Variants in G3BP2 observed in about 807,000 individuals in gnomAD.
G3BP2 encodes the protein G3BP stress granule assembly factor 2, also known as ras GTPase-activating protein-binding protein 2.
G3BP2 carries 11 observed loss-of-function variants against 56.7 expected under a neutral mutation model. The observed-to-expected ratio is 0.19, with a 90% CI of 0.12 to 0.32. G3BP2 has a LOEUF of 0.32. Ranked by LOEUF, G3BP2 falls within the 10% of genes least tolerant of loss-of-function variation. The pLI is 1.00. For synonymous variants in G3BP2, 165 were observed against 191.6 expected, an observed-to-expected ratio of 0.86 and a Z score of 1.15; for missense variants, 340 against 610.9, an observed-to-expected ratio of 0.56 and a Z score of 4.67.
At chr4:75,723,667 T>C (rs1479965269) in intron 1 of G3BP2, among the ~76,000 whole-genome samples, 1 of 152,116 alleles carries the variant, frequency 6.6e-6, no homozygotes, top group Non-Finnish European at 1.5e-5. Flanking sequence ...AAGCAGCATA[T>C]TGACTTTTTT....
intron 2 of G3BP2, among the ~76,000 whole-genome samples, chr4:75,721,621 A>G (rs1386895728): frequency 6.6e-6 from 1 of 152,158 alleles, no homozygotes; most frequent in Non-Finnish European, 1.5e-5. Context: ...AAACCTATAT[A>G]TGATAGATTT....
chr4:75,697,036 G>A (rs1719145414), intron 3 of G3BP2, among the ~76,000 whole-genome samples: 1 of 151,972 alleles, frequency 6.6e-6, no homozygotes, highest in Admixed American at 6.6e-5. Flanking sequence ...CAGCACTTTG[G>A]GAGGCCAAGG....
Position 75,716,376 on chromosome 4 carries a change from T to C in G3BP2, c.-25+4501A>G, listed in dbSNP as rs546704695. The stretch of plus-strand genomic sequence containing the variant: ...TTTTAGTAGAGATGAGGTTTCACCA[T>C]GTTGGCCAGGCTAGTCTCAAACTCT... On this transcript the variant is annotated intron_variant, in intron 3 of 3. Transcript: ENST00000499709. Among the ~76,000 whole-genome samples, 4 of 152,306 alleles carry C rather than the reference T, an allele frequency of 2.6e-5. No individual in the cohort carries two copies. The South Asian group carries it at 8.3e-4, about 32-fold the overall frequency.
At chr4:75,697,299 A>AAAAAAAAAAAAAAAAAT (rs1560417992) in intron 3 of G3BP2, among the ~76,000 whole-genome samples, 4 of 48,810 alleles carry the variant, frequency 8.2e-5, no homozygotes, top group African/African-American at 4.4e-4. Context: ...AAAAAAAAAA[A>AAAAAAAAAAAAAAAAAT]AAGATCATGA....
chr4:75,662,890 A>G (rs562209597), intron 1 of G3BP2, among the ~76,000 whole-genome samples: 57 of 152,352 alleles, frequency 3.7e-4, no homozygotes, highest in African/African-American at 1.3e-3. Context: ...GATAACACTC[A>G]TGGCAAAGCA....
chr4:75,707,486 G>A (rs1719595554), intron 3 of G3BP2, among the ~76,000 whole-genome samples: 1 of 151,618 alleles, frequency 6.6e-6, no homozygotes, highest in Non-Finnish European at 1.5e-5. Context: ...GCGGGAGCCT[G>A]TAGTCCCAGC....
intron 3 of G3BP2, among the ~76,000 whole-genome samples, chr4:75,705,964 TATATAC>T (rs1196330471): frequency 2.0e-5 from 3 of 152,160 alleles, no homozygotes; most frequent in Non-Finnish European, 4.4e-5. Context: ...ATACACAATA[TATATAC>T]ATATACATAT....
chr4:75,698,128 T>C (rs913567401), intron 3 of G3BP2, among the ~76,000 whole-genome samples: 3 of 152,334 alleles, frequency 2.0e-5, no homozygotes, highest in East Asian at 3.9e-4. Context: ...TTTGCAGCTA[T>C]GATTAAATTA....
At chr4:75,665,162 T>C (rs1277956414) in intron 1 of G3BP2, among the ~76,000 whole-genome samples, 5 of 152,230 alleles carry the variant, frequency 3.3e-5, no homozygotes, top group Non-Finnish European at 5.9e-5. Flanking sequence ...TACATAATTC[T>C]AGTGACTCAC....
At chr4:75,713,939 A>G (rs113297623) in intron 3 of G3BP2, among the ~76,000 whole-genome samples, 2 of 152,370 alleles carry the variant, frequency 1.3e-5, no homozygotes, top group African/African-American at 2.4e-5. Flanking sequence ...ATTGAGGGGC[A>G]TTCTACAAAA....
chr4:75,680,235 T>C (rs1241208845), intron 3 of G3BP2, among the ~76,000 whole-genome samples: 1 of 152,184 alleles, frequency 6.6e-6, no homozygotes, highest in Non-Finnish European at 1.5e-5. Context: ...TAGATTAAGT[T>C]AATATAAAAG....
At chr4:75,656,076 C>T (rs759520519) in intron 5 of G3BP2, among the ~76,000 whole-genome samples, 1 of 151,322 alleles carries the variant, frequency 6.6e-6, no homozygotes, top group Non-Finnish European at 1.5e-5. Context: ...CTGCAACCTC[C>T]GCCTTCTGGG....
intron 3 of G3BP2, among the ~76,000 whole-genome samples, chr4:75,716,146 G>A (rs1158879908): frequency 6.6e-6 from 1 of 152,024 alleles, no homozygotes; most frequent in Non-Finnish European, 1.5e-5. Flanking sequence ...AGGGCAGTGG[G>A]AAGGGCAAGT....
intron 3 of G3BP2, among the ~76,000 whole-genome samples, chr4:75,706,508 T>C (rs952664206): frequency 1.3e-5 from 2 of 152,080 alleles, no homozygotes; most frequent in African/African-American, 4.8e-5. Flanking sequence ...AGAAACCCCA[T>C]GTCTACTAAA....
In G3BP2 at chr4:75,655,125, C is replaced by T; in HGVS notation, c.667G>A (p.Glu223Lys). The change falls in exon 7 of 12, where the codon GAG becomes AAG. Residue 223 changes from glutamate (E) to lysine (K), a missense_variant. Around this residue, in one of 4 missense-constraint regions of G3BP2, gnomAD observed 224 missense variants for 332.5 expected, o/e 0.67. Coordinates refer to ENST00000359707, the MANE Select transcript of G3BP2 (RefSeq NM_203505.3). ...GCCGGAGGAGGAGTAGTAGATTTCT[C>T]CTCTAGTTCTTCTAAGTTCTTCTCC... ...VEEKNLEELE[E>K]KSTTPPPAEP... is the part of the protein sequence containing the mutation. The T allele has an allele frequency of 6.2e-7, 1 of 1,613,474 alleles. No homozygotes were observed.
At chr4:75,692,448 AC>A (rs1367911108) in intron 3 of G3BP2, among the ~76,000 whole-genome samples, 1 of 152,016 alleles carries the variant, frequency 6.6e-6, no homozygotes, top group Non-Finnish European at 1.5e-5. Context: ...AGTAGCTGGG[AC>A]TACAGGCGCG....
intron 3 of G3BP2, among the ~76,000 whole-genome samples, chr4:75,699,202 T>C (rs1265238731): frequency 1.3e-5 from 2 of 152,224 alleles, no homozygotes; most frequent in African/African-American, 4.8e-5. Flanking sequence ...GACGTGATTT[T>C]AAAGCACCCA....
intron 3 of G3BP2, among the ~76,000 whole-genome samples, chr4:75,713,152 G>A (rs912641969): frequency 6.6e-6 from 1 of 152,158 alleles, no homozygotes; most frequent in Non-Finnish European, 1.5e-5. Context: ...CTTCTATTGA[G>A]AGAATATGTC....
chr4:75,648,551 T>C (rs963839068), intron 9 of G3BP2, 88 bp downstream of exon 9: 46 of 686,394 alleles, frequency 6.7e-5, no homozygotes, highest in South Asian at 4.9e-4. Context: ...GGTCTGTGTA[T>C]AGAACGCATC....
Sources: gnomAD v4.1 joint callset for allele counts (sites outside exome capture counted in the v4.1 genomes callset) on GRCh38, gnomAD v4.1.1 for gene constraint, gnomAD v4.1.1 regional missense constraint, MANE v1.5 for transcripts, NCBI Gene and HGNC (gene_info 2026-07-23, HGNC 2026-07-21) for gene names.